SCN2A: variants seen among roughly 807,000 people sequenced by gnomAD.
The protein encoded by SCN2A is sodium channel protein type 2 subunit alpha.
Under a neutral mutation model 188.7 loss-of-function variants are expected in SCN2A, and 20 were observed. That is an observed-to-expected ratio of 0.11 (90% CI 0.07 to 0.15). The LOEUF (loss-of-function observed/expected upper bound fraction) is 0.15, where lower values mean the gene tolerates loss of function less well. Ranked by LOEUF, SCN2A falls within the 10% of genes least tolerant of loss-of-function variation. The probability of loss-of-function intolerance (pLI) is 1.00; values close to 1 mark genes in which losing one functional copy is unlikely to be tolerated. For synonymous variants in SCN2A, 804 were observed against 833.1 expected (o/e 0.97, Z 0.60); for missense variants, 1,278 against 2,445.0 (o/e 0.52, Z 10.07).
At chr2:165,345,930 C>A (rs534629369) in intron 16 of SCN2A, among the ~76,000 whole-genome samples, 1 of 152,096 alleles carries the variant, frequency 6.6e-6, no homozygotes, top group Non-Finnish European at 1.5e-5. Context: ...TTGGCATTTG[C>A]TTGTCTGTAA....
intron 20 of SCN2A, 80 bp from the exon 21 acceptor site, chr2:165,373,145 A>C (rs1444527583): frequency 6.8e-7 from 1 of 1,464,106 alleles, no homozygotes; most frequent in African/African-American, 1.4e-5. Context: ...AGAATTACTG[A>C]TTCATTGCAT....
In SCN2A at chr2:165,353,135, C is replaced by G. The variant is rs189743750; in HGVS notation, c.2920-1057C>G. Among the ~76,000 whole-genome samples, 4 of 151,792 alleles carry G rather than the reference C, an allele frequency of 2.6e-5. No individual in the cohort carries two copies. In the Middle Eastern group the frequency reaches 0.01, roughly 393 times the overall value. On this transcript the variant is annotated intron_variant, in intron 16 of 26. Transcript: ENST00000375437. ...TACTGGTGGAGCCTATTTTTAAAGACCCAATTTGCAGACTGATTACTGTCC... is the reference window on the plus strand; with the variant it reads ...TACTGGTGGAGCCTATTTTTAAAGAGCCAATTTGCAGACTGATTACTGTCC...
chr2:165,340,642 G>C (rs1699261777), intron 14 of SCN2A, among the ~76,000 whole-genome samples: 1 of 152,164 alleles, frequency 6.6e-6, no homozygotes, highest in Non-Finnish European at 1.5e-5. Flanking sequence ...TTATAAAAAT[G>C]TAACTTATTA....
chr2:165,389,329 C>A lies in SCN2A; in HGVS notation c.5523C>A (p.Ala1841=). ...IAKPNKVQLI[A]MDLPMVSGDR... ...AACCCAACAAAGTCCAGCTCATTGC[C>A]ATGGATCTGCCCATGGTGAGTGGTG... The change falls in exon 27 of 27, where the codon GCC becomes GCA. Residue 1841 remains alanine, a synonymous_variant. Coordinates refer to ENST00000375437, the MANE Select transcript of SCN2A (RefSeq NM_001040142.2). This position sits in a 1 kb window ranked among gnomAD's most constrained non-coding sequence, Gnocchi z 4.2. 6.2e-7 allele frequency: 1 copy of A among 1,614,040 alleles called. No homozygotes were observed. The highest frequency in any genetic ancestry group is 1.7e-4 in the Middle Eastern group (1 of 6,060).
chr2:165,276,382 C>T lies in SCN2A; in HGVS notation c.-51-19391C>T, dbSNP rs537425803. On this transcript the variant is annotated intron_variant, in intron 1 of 26. Coordinates refer to ENST00000375437, the MANE Select transcript of SCN2A (RefSeq NM_001040142.2). ...CTTTTGTGTTAAGTGCCTGGCCCTC[C>T]AAGGTAACTAATTTTAATTTAAAAA... 2.0e-5 allele frequency among the ~76,000 whole-genome samples: 3 copies of T among 150,766 alleles called. No homozygotes were observed. In the South Asian group the frequency reaches 6.3e-4, roughly 31 times the overall value.
At chr2:165,325,830 A>G (rs574203276) in intron 12 of SCN2A, among the ~76,000 whole-genome samples, 2 of 152,298 alleles carry the variant, frequency 1.3e-5, no homozygotes, top group South Asian at 4.1e-4. Flanking sequence ...ATCATATGCA[A>G]TGAGTGGAAA....
intron 1 of SCN2A, among the ~76,000 whole-genome samples, chr2:165,256,590 A>G (rs966171906): frequency 9.2e-5 from 14 of 151,890 alleles, no homozygotes; most frequent in Admixed American, 3.3e-4. Flanking sequence ...TGCATTTTCA[A>G]ATATGCTTAT....
chr2:165,262,832 T>A (rs1258544021), intron 1 of SCN2A, among the ~76,000 whole-genome samples: 1 of 152,192 alleles, frequency 6.6e-6, no homozygotes, highest in Non-Finnish European at 1.5e-5. Flanking sequence ...CCACATTGTT[T>A]TCAGTAATGG....
intron 25 of SCN2A, among the ~76,000 whole-genome samples, chr2:165,383,439 A>G (rs1701707542): frequency 6.6e-6 from 1 of 152,080 alleles, no homozygotes; most frequent in African/African-American, 2.4e-5. Context: ...TTCATTTGGG[A>G]CACACTGAGA....
chr2:165,373,410 C>G, intron 21 of SCN2A, 63 bp downstream of exon 21: 1 of 1,577,644 alleles, frequency 6.3e-7, no homozygotes. Context: ...CACTTTGTAC[C>G]ATGGAAATGT....
intron 1 of SCN2A, among the ~76,000 whole-genome samples, chr2:165,246,807 T>C (rs1429934241): frequency 6.6e-6 from 1 of 152,058 alleles, no homozygotes; most frequent in Non-Finnish European, 1.5e-5. Flanking sequence ...TCATGCCACA[T>C]GTCCCTAGAT....
At chr2:165,266,868 C>G (rs891356302) in intron 1 of SCN2A, 1 of 152,014 alleles carries the variant, frequency 6.6e-6, no homozygotes, top group South Asian at 2.1e-4. Flanking sequence ...TTTCTAAACA[C>G]TAAGAATCAA....
At chr2:165,365,035 G>C (rs1198701080) in intron 17 of SCN2A, 108 bp from the exon 18 acceptor site, 1 of 1,071,244 alleles carries the variant, frequency 9.3e-7, no homozygotes, top group Non-Finnish European at 1.4e-6. Flanking sequence ...TTAAATTACA[G>C]ATCAAGAAAA....
At chr2:165,362,006 T>TA (rs1700483449) in intron 17 of SCN2A, among the ~76,000 whole-genome samples, 1 of 152,048 alleles carries the variant, frequency 6.6e-6, no homozygotes, top group Non-Finnish European at 1.5e-5. Flanking sequence ...TGAAAGTAAA[T>TA]ATCAGATAGG....
intron 1 of SCN2A, among the ~76,000 whole-genome samples, chr2:165,265,721 T>G (rs950816078): frequency 6.6e-6 from 1 of 151,156 alleles, no homozygotes; most frequent in Non-Finnish European, 1.5e-5. Flanking sequence ...TCTTTCTTAA[T>G]AGTATTTTCA....
At chr2:165,375,071 C>T (rs1701239141) in intron 22 of SCN2A, 105 bp downstream of exon 22, 1 of 980,998 alleles carries the variant, frequency 1.0e-6, no homozygotes, top group Non-Finnish European at 1.6e-6. Flanking sequence ...TATTATCAAA[C>T]AGATAAATGA....
At chr2:165,374,662 T>G in intron 21 of SCN2A, 23 bp from the exon 22 acceptor site, 1 of 1,611,134 alleles carries the variant, frequency 6.2e-7, no homozygotes, top group Non-Finnish European at 8.5e-7. Context: ...TTTCACTTAT[T>G]TTTCCTTCTC....
chr2:165,291,490 C>T (rs201682801), intron 1 of SCN2A, among the ~76,000 whole-genome samples: 6 of 22,540 alleles, frequency 2.7e-4, no homozygotes, highest in African/African-American at 1.0e-3. Context: ...TTCTTTCTTT[C>T]TTTTCTTTCT....
At position 165,325,016 on chromosome 2, in the gene SCN2A, C is replaced by T. The variant is rs1012027313; in HGVS notation, c.2016+1516C>T. ...CCTACCCAGACCTTTTCAGACCAAA[C>T]CACTGAGGAGAACAAGGTCTGGGAA... On this transcript the variant is annotated intron_variant, in intron 12 of 26. Coordinates refer to ENST00000375437, the MANE Select transcript of SCN2A (RefSeq NM_001040142.2). 2.6e-5 allele frequency among the ~76,000 whole-genome samples: 4 copies of T among 152,144 alleles called. No homozygotes were observed. The South Asian group carries it at 8.3e-4, about 32-fold the overall frequency.
Sources: gnomAD v4.1 joint callset for allele counts (sites outside exome capture counted in the v4.1 genomes callset) on GRCh38, gnomAD v4.1.1 for gene constraint, Gnocchi (gnomAD v3.1) non-coding constraint, MANE v1.5 for transcripts, NCBI Gene and HGNC (gene_info 2026-07-23, HGNC 2026-07-21) for gene names.